SCN9A: variants seen among roughly 807,000 people sequenced by gnomAD.
The protein encoded by SCN9A is sodium channel protein type 9 subunit alpha.
In SCN9A, 131 loss-of-function variants were observed where a neutral mutation model predicts 187.0. That is an observed-to-expected ratio of 0.70 (90% CI 0.61 to 0.81). The LOEUF (loss-of-function observed/expected upper bound fraction) is 0.81, where lower values mean the gene tolerates loss of function less well. Among genes scored for constraint, SCN9A ranks in the 30% least tolerant of loss-of-function variants. The pLI is 0.00. For missense variants in SCN9A, 2,252 were observed against 2,396.6 expected (o/e 0.94, Z 1.26); for synonymous variants, 809 against 808.6 (o/e 1.00, Z -0.01).
intron 19 of SCN9A, among the ~76,000 whole-genome samples, chr2:166,241,534 C>G (rs1276692080): frequency 6.6e-6 from 1 of 152,134 alleles, no homozygotes; most frequent in Non-Finnish European, 1.5e-5. Context: ...TGCAGTTCAG[C>G]AGTTTTTAAT....
intron 1 of SCN9A, among the ~76,000 whole-genome samples, chr2:166,355,154 G>A (rs1700122509): frequency 6.6e-6 from 1 of 151,742 alleles, no homozygotes; most frequent in African/African-American, 2.4e-5. Flanking sequence ...GGAGTGCAGT[G>A]ATATGATCTC....
intron 19 of SCN9A, among the ~76,000 whole-genome samples, chr2:166,240,016 C>T (rs1695495985): frequency 6.6e-6 from 1 of 152,148 alleles, no homozygotes; most frequent in Non-Finnish European, 1.5e-5. Context: ...TTTGTGTATA[C>T]TCTTCTTTCT....
Position 166,199,066 on chromosome 2 carries a change from G to T in SCN9A, c.5573C>A (p.Ser1858Tyr), listed in dbSNP as rs1693346625. Residue 1858 changes from serine (S) to tyrosine (Y), a missense_variant, in exon 27 of 27, where the codon TCT (serine) becomes TAT (tyrosine). By Grantham distance (144) the Ser-to-Tyr change is moderately radical (BLOSUM62 -2). Around this residue, in one of 7 missense-constraint regions of SCN9A, gnomAD observed 345 missense variants for 344.6 expected, o/e 1.00. Coordinates refer to ENST00000642356, the MANE Select transcript of SCN9A (RefSeq NM_001365536.1). ...CCTTTCTTCCATCTGTGAACGAAGA[G>T]AATCCATCTCCCCACTCTCACCCAA... Reference protein sequence around the residue: ...RVLGESGEMDSLRSQMEERFM... With the variant: ...RVLGESGEMDYLRSQMEERFM... The T allele has an allele frequency of 1.2e-6, 2 of 1,614,130 alleles. No homozygotes were observed. The highest frequency in any genetic ancestry group is 1.7e-6 in the Non-Finnish European group (2 of 1,180,034).
intron 16 of SCN9A, among the ~76,000 whole-genome samples, chr2:166,274,323 GAGA>G (rs1287321307): frequency 1.1e-4 from 17 of 152,016 alleles, no homozygotes; most frequent in Non-Finnish European, 1.5e-4. Context: ...TGTTAAACAA[GAGA>G]AGAAATATTA....
Position 166,226,648 on chromosome 2 carries a change from G to A in SCN9A, c.4317C>T (p.Val1439=), listed in dbSNP as rs766643885. 11 of 1,587,814 alleles carry A rather than the reference G, an allele frequency of 6.9e-6. No individual in the cohort carries two copies. The highest frequency in any genetic ancestry group is 9.4e-6 in the Non-Finnish European group (11 of 1,166,968). The part of the protein sequence containing the change: ...YSLYMYIYFV[V]FIIFGSFFTL... ...TGAAGAATGACCCAAAGATGATAAA[G>A]ACGACAAAATAAATATACATGTAGA... The change falls in exon 24 of 27, where the codon GTC becomes GTT. Residue 1439 remains valine (V), a synonymous_variant. Coordinates refer to ENST00000642356, the MANE Select transcript of SCN9A (RefSeq NM_001365536.1).
chr2:166,342,729 ATTTTT>A (rs1389206585), intron 1 of SCN9A, among the ~76,000 whole-genome samples: 1 of 152,132 alleles, frequency 6.6e-6, no homozygotes, highest in African/African-American at 2.4e-5. Flanking sequence ...AATTGAAACT[ATTTTT>A]TATTTTATCA....
chr2:166,344,309 T>C (rs1445416653), intron 1 of SCN9A, among the ~76,000 whole-genome samples: 1 of 152,188 alleles, frequency 6.6e-6, no homozygotes, highest in African/African-American at 2.4e-5. Context: ...AATAAGGCTT[T>C]TTATTATCTA....
At chr2:166,201,287 CA>C (rs1185398436) in intron 26 of SCN9A, among the ~76,000 whole-genome samples, 10 of 144,616 alleles carry the variant, frequency 6.9e-5, no homozygotes, top group East Asian at 6.0e-4. Context: ...TATACATATA[CA>C]TATACATATA....
At position 166,288,602 on chromosome 2, in the gene SCN9A, G is replaced by A. The variant is rs794726989; in HGVS notation, c.1149C>T (p.Val383=). 11 of 1,610,878 alleles carry A rather than the reference G, an allele frequency of 6.8e-6. No individual in the cohort carries two copies. The highest frequency in any genetic ancestry group is 2.2e-5 in the South Asian group (2 of 90,518). The change falls in exon 10 of 27, where the codon GTC becomes GTT. Residue 383 remains valine (V), a synonymous_variant. Coordinates refer to ENST00000642356, the MANE Select transcript of SCN9A (RefSeq NM_001365536.1). ...AAGKTYMIFF[V]VVIFLGSFYL... ...AAAAGGAGCCCAGGAAAATCACTAC[G>A]ACAAAGAAGATCATGTAGGTTTTGC...
intron 23 of SCN9A, 48 bp downstream of exon 23, chr2:166,227,622 A>C (rs1558964651): frequency 9.3e-7 from 1 of 1,076,930 alleles, no homozygotes; most frequent in Admixed American, 2.0e-5. Context: ...GAAATAAACT[A>C]AGAAGCTTTT....
At position 166,337,965 on chromosome 2, in the gene SCN9A, C is replaced by T. The variant is rs1418385208; in HGVS notation, c.-50-26159G>A. Among the ~76,000 whole-genome samples the T allele has an allele frequency of 2.0e-5, 3 of 152,010 alleles. No homozygotes were observed. The East Asian group carries it at 5.8e-4, about 29-fold the overall frequency. On this transcript the variant is annotated intron_variant, in intron 1 of 26. Transcript: ENST00000642356. ...AGTTAAATAAACTGACACATAAATG[C>T]TTCAAAATGTACACAGCAAGTTAAG... is the stretch of plus-strand genomic sequence containing the variant.
At chr2:166,234,610 T>C (rs566101495) in intron 20 of SCN9A, among the ~76,000 whole-genome samples, 2 of 146,264 alleles carry the variant, frequency 1.4e-5, no homozygotes, top group South Asian at 4.1e-4. Context: ...ACATGGCTTT[T>C]TTTTTTAAAT....
chr2:166,285,614 CTTT>C (rs1697701941), intron 11 of SCN9A, among the ~76,000 whole-genome samples: 3 of 152,112 alleles, frequency 2.0e-5, no homozygotes, highest in Non-Finnish European at 4.4e-5. Flanking sequence ...GGGACTCTAT[CTTT>C]TTTTACTGTG....
intron 24 of SCN9A, among the ~76,000 whole-genome samples, chr2:166,214,651 A>G (rs1445240774): frequency 6.8e-6 from 1 of 147,976 alleles, no homozygotes; most frequent in Non-Finnish European, 1.5e-5. Context: ...AGTAGCTGGG[A>G]CTACAGGCGC....
intron 1 of SCN9A, among the ~76,000 whole-genome samples, chr2:166,371,897 G>T (rs1700573140): frequency 6.6e-6 from 1 of 152,076 alleles, no homozygotes; most frequent in Non-Finnish European, 1.5e-5. Context: ...ATGTAATGTG[G>T]TAACCAAATT....
intron 17 of SCN9A, among the ~76,000 whole-genome samples, chr2:166,252,190 T>C (rs1696075220): frequency 6.6e-6 from 1 of 151,994 alleles, no homozygotes; most frequent in East Asian, 1.9e-4. Flanking sequence ...TTGGAAAGTA[T>C]TGACCACATC....
intron 12 of SCN9A, among the ~76,000 whole-genome samples, chr2:166,283,605 G>A (rs562457254): frequency 3.3e-5 from 5 of 152,228 alleles, no homozygotes; most frequent in African/African-American, 1.2e-4. Flanking sequence ...GTAGACCTTT[G>A]GAACTGCTGT....
chr2:166,348,577 C>T (rs1222312012), intron 1 of SCN9A, among the ~76,000 whole-genome samples: 1 of 152,126 alleles, frequency 6.6e-6, no homozygotes, highest in Non-Finnish European at 1.5e-5. Flanking sequence ...ATATATAGTA[C>T]TGTCAGAGTG....
At chr2:166,360,001 C>T (rs1343787483) in intron 1 of SCN9A, among the ~76,000 whole-genome samples, 1 of 151,584 alleles carries the variant, frequency 6.6e-6, no homozygotes, top group Non-Finnish European at 1.5e-5. Flanking sequence ...GCAGGCGGAT[C>T]ACCTGAGGTC....
Sources: gnomAD v4.1 joint callset for allele counts (sites outside exome capture counted in the v4.1 genomes callset) on GRCh38, gnomAD v4.1.1 for gene constraint, gnomAD v4.1.1 regional missense constraint, MANE v1.5 for transcripts, NCBI Gene and HGNC (gene_info 2026-07-23, HGNC 2026-07-21) for gene names.